The following HABP4 variants were observed in gnomAD, a reference collection of about 807,000 sequenced individuals.
HABP4 encodes the protein intracellular hyaluronan-binding protein 4.
Under a neutral mutation model 44.1 loss-of-function variants are expected in HABP4, and 32 were observed. The observed-to-expected ratio is 0.73, with a 90% CI of 0.55 to 0.97. HABP4 has a LOEUF of 0.97. Among genes scored for constraint, HABP4 ranks in the 50% least tolerant of loss-of-function variants. The probability of loss-of-function intolerance (pLI) is 0.00; values close to 1 mark genes in which losing one functional copy is unlikely to be tolerated. For synonymous variants in HABP4, 216 were observed against 218.0 expected, an observed-to-expected ratio of 0.99 and a Z score of 0.08; for missense variants, 503 against 561.9, an observed-to-expected ratio of 0.90 and a Z score of 1.06.
At position 96,488,455 on chromosome 9, in the gene HABP4, C is replaced by T. The variant is rs1296187949; in HGVS notation, c.1185+181C>T. Among the ~76,000 whole-genome samples the T allele has an allele frequency of 6.6e-6, 1 of 152,102 alleles. No individual in the cohort carries two copies. Among genetic ancestry groups the T allele is most frequent in the Non-Finnish European group, 1.5e-5 (1 of 68,018 alleles). ...CATCATGGACATCTTGCCTAGAGAC[C>T]GTTCTGTAGCCCTGGCTTCCAGGGT... On this transcript the variant is annotated intron_variant, in intron 7 of 7. Coordinates refer to ENST00000375249, the MANE Select transcript of HABP4 (RefSeq NM_014282.4). The surrounding 1 kb of genome is among the most constrained non-coding windows in gnomAD (Gnocchi z 4.6).
In HABP4 at chr9:96,450,585, C is replaced by A; in HGVS notation, c.306C>A (p.Val102=). Residue 102 remains valine, a synonymous_variant, in exon 1 of 8, where the codon GTC becomes GTA. Coordinates refer to ENST00000375249, the MANE Select transcript of HABP4 (RefSeq NM_014282.4). The surrounding 1 kb of genome is among the most constrained non-coding windows in gnomAD (Gnocchi z 4.8). The part of the protein sequence containing the change: ...QKERKSLPAP[V]AQRPDSPGGG... Reference sequence around the variant, plus strand: ...AGCGCAAGAGCCTCCCGGCGCCCGTCGCTCAGCGGCCCGATAGCCCCGGGG... The same window carrying A: ...AGCGCAAGAGCCTCCCGGCGCCCGTAGCTCAGCGGCCCGATAGCCCCGGGG... 1.6e-6 allele frequency: 2 copies of A among 1,283,544 alleles called. No homozygotes were observed. The highest frequency in any genetic ancestry group is 2.6e-5 in the South Asian group (1 of 39,186). The allele number at this position is 1,283,544 out of a possible 1,614,324, so 79.5% of individuals were successfully genotyped here.
chr9:96,459,251 A>T (rs1477903903), intron 2 of HABP4, among the ~76,000 whole-genome samples: 1 of 152,156 alleles, frequency 6.6e-6, no homozygotes, highest in Admixed American at 6.6e-5. Flanking sequence ...TGCTCAATGG[A>T]TTGAAATAAA....
At chr9:96,486,444 C>T (rs1481780708) in intron 6 of HABP4, among the ~76,000 whole-genome samples, 1 of 152,160 alleles carries the variant, frequency 6.6e-6, no homozygotes, top group Admixed American at 6.5e-5. Flanking sequence ...ATAAAAATTT[C>T]TCTAAAACAA....
intron 4 of HABP4, among the ~76,000 whole-genome samples, chr9:96,470,772 C>CCAGTAACTGGG (rs1832680876): frequency 6.6e-6 from 1 of 151,606 alleles, no homozygotes; most frequent in Non-Finnish European, 1.5e-5. Flanking sequence ...TGGTGGACGC[C>CCAGTAACTGGG]TGTAATCCCA....
At chr9:96,480,430 A>G (rs1473816516) in intron 5 of HABP4, among the ~76,000 whole-genome samples, 2 of 152,010 alleles carry the variant, frequency 1.3e-5, no homozygotes, top group Non-Finnish European at 2.9e-5. Flanking sequence ...ATCTTTTAAT[A>G]TTTTTGCCAA....
intron 1 of HABP4, among the ~76,000 whole-genome samples, chr9:96,456,780 A>AAATATAT (rs1554724388): frequency 2.2e-5 from 1 of 44,772 alleles, no homozygotes; most frequent in Non-Finnish European, 3.8e-5. Flanking sequence ...AAAAAAAAAA[A>AAATATAT]ATATATATAT....
chr9:96,485,129 C>T (rs557872314), intron 6 of HABP4, among the ~76,000 whole-genome samples: 68 of 152,008 alleles, frequency 4.5e-4, no homozygotes, highest in African/African-American at 1.6e-3. Flanking sequence ...CTTGGCTCAC[C>T]GCAACCTCCG....
intron 4 of HABP4, among the ~76,000 whole-genome samples, chr9:96,468,625 T>A (rs1042050637): frequency 2.0e-4 from 31 of 152,134 alleles, no homozygotes; most frequent in Admixed American, 8.5e-4. Flanking sequence ...ACTTCTGGGC[T>A]CAAGCAATTC....
At chr9:96,459,933 C>A (rs1047536113) in intron 2 of HABP4, among the ~76,000 whole-genome samples, 1 of 152,142 alleles carries the variant, frequency 6.6e-6, no homozygotes, top group African/African-American at 2.4e-5. Flanking sequence ...GTGATTACTT[C>A]AAATCTGCTG....
Position 96,450,686 on chromosome 9 carries a change from C to T in HABP4, c.349+58C>T. ...GCTCGGCCCGCTGTGAGACTGGGGT[C>T]CCGGGGGCCGGTTTCAGGAGGAGGG... On this transcript the variant is annotated intron_variant, in intron 1 of 7. Transcript: ENST00000375249. The surrounding 1 kb of genome is among the most constrained non-coding windows in gnomAD (Gnocchi z 4.8). The T allele has an allele frequency of 8.3e-7, 1 of 1,211,152 alleles. No homozygotes were observed. The highest frequency in any genetic ancestry group is 1.0e-6 in the Non-Finnish European group (1 of 970,358). The allele number at this position is 1,211,152 out of a possible 1,614,324, so 75.0% of individuals were successfully genotyped here. A position where few individuals can be genotyped will look rare whatever the true frequency, so the allele number is the denominator to read the frequency against.
At chr9:96,477,962 ATTC>A (rs1564166897) in intron 5 of HABP4, among the ~76,000 whole-genome samples, 2 of 152,154 alleles carry the variant, frequency 1.3e-5, no homozygotes, top group East Asian at 1.9e-4. Flanking sequence ...TGCAGCTTGT[ATTC>A]TTCTTTGGTC....
chr9:96,490,297 T>A lies in HABP4; in HGVS notation c.*259T>A, dbSNP rs959976836. The A allele has an allele frequency of 5.7e-6, 3 of 523,274 alleles. No homozygotes were observed. The allele number at this position is 523,274 out of a possible 1,614,324, so 32.4% of individuals were successfully genotyped here. A position where few individuals can be genotyped will look rare whatever the true frequency, so the allele number is the denominator to read the frequency against. On this transcript the variant is annotated 3_prime_UTR_variant, in exon 8 of 8. Transcript: ENST00000375249. ...CAAATGAAGAATAATGTTTAAAATG[T>A]GTATATAGAGATAGTATAGACTCCT...
rs1833017267 is a variant in HABP4, at chr9:96,488,598, G to A, written c.1185+324G>A. 1.3e-5 allele frequency among the ~76,000 whole-genome samples: 2 copies of A among 152,220 alleles called. No homozygotes were observed. Among genetic ancestry groups the A allele is most frequent in the Non-Finnish European group, 2.9e-5 (2 of 68,042 alleles). On this transcript the variant is annotated intron_variant, in intron 7 of 7. Transcript: ENST00000375249. The surrounding 1 kb of genome is among the most constrained non-coding windows in gnomAD (Gnocchi z 4.6). ...ACGTTTTGCTTACTGTGGCCTGATT[G>A]TGTGCCTTGGGCTCAGGTGATGCTG... is the stretch of plus-strand genomic sequence containing the variant.
At chr9:96,456,767 AAAAAAAAAAAAAAATAT>A (rs1832386439) in intron 1 of HABP4, among the ~76,000 whole-genome samples, 1 of 57,328 alleles carries the variant, frequency 1.7e-5, no homozygotes, top group Non-Finnish European at 3.0e-5. Context: ...CTCAAAAAAA[AAAAAAAAAAAAAAATAT>A]ATATATATAT....
intron 2 of HABP4, among the ~76,000 whole-genome samples, chr9:96,460,772 T>C (rs1051635427): frequency 2.6e-5 from 4 of 152,228 alleles, no homozygotes; most frequent in Admixed American, 2.6e-4. Flanking sequence ...TTGGCAGGAA[T>C]GCCACAGAAG....
intron 1 of HABP4, among the ~76,000 whole-genome samples, chr9:96,452,911 GTT>G (rs71368266): frequency 0.15 from 9,716 of 62,742 alleles, 468 homozygotes; most frequent in African/African-American, 0.27. Flanking sequence ...ATGGAAAAGG[GTT>G]TTTTTTTTTT....
At chr9:96,456,161 T>C (rs964367455) in intron 1 of HABP4, among the ~76,000 whole-genome samples, 1 of 152,220 alleles carries the variant, frequency 6.6e-6, no homozygotes, top group African/African-American at 2.4e-5. Context: ...CACTACAGGA[T>C]ATGAATTGAA....
chr9:96,488,775 C>T lies in HABP4; in HGVS notation c.1185+501C>T, dbSNP rs550605042. On this transcript the variant is annotated intron_variant, in intron 7 of 7. Transcript: ENST00000375249. The surrounding 1 kb of genome is among the most constrained non-coding windows in gnomAD (Gnocchi z 4.6). ...GCACGCTCCTTACCCCTGGCCTCTG[C>T]CTGCTGGCCTCCATTCATCCTTCCA... Among the ~76,000 whole-genome samples the T allele has an allele frequency of 8.5e-5, 13 of 152,272 alleles. No individual in the cohort carries two copies. Among genetic ancestry groups the T allele is most frequent in the African/African-American group, 2.9e-4 (12 of 41,544 alleles).
intron 1 of HABP4, among the ~76,000 whole-genome samples, chr9:96,456,274 A>G (rs1832374066): frequency 6.6e-6 from 1 of 152,162 alleles, no homozygotes; most frequent in African/African-American, 2.4e-5. Context: ...CAAGGAATAA[A>G]TTATATAATT....
Sources: gnomAD v4.1 joint callset for allele counts (sites outside exome capture counted in the v4.1 genomes callset) on GRCh38, gnomAD v4.1.1 for gene constraint, Gnocchi (gnomAD v3.1) non-coding constraint, MANE v1.5 for transcripts, NCBI Gene and HGNC (gene_info 2026-07-23, HGNC 2026-07-21) for gene names.